AOAH: variants seen among roughly 807,000 people sequenced by gnomAD.
AOAH encodes the protein acyloxyacyl hydrolase.
In AOAH, 64 loss-of-function variants were observed where a neutral mutation model predicts 92.2. That is an observed-to-expected ratio of 0.69 (90% CI 0.57 to 0.86). The LOEUF (loss-of-function observed/expected upper bound fraction) is 0.86. Among genes scored for constraint, AOAH ranks in the 40% least tolerant of loss-of-function variants. The pLI, the probability that AOAH is intolerant of heterozygous loss-of-function variation, is 0.00. For missense variants in AOAH, 656 were observed against 694.6 expected, an observed-to-expected ratio of 0.94 and a Z score of 0.62; for synonymous variants, 263 against 254.5, an observed-to-expected ratio of 1.03 and a Z score of -0.32.
chr7:36,591,937 C>T (rs571304195), intron 12 of AOAH, among the ~76,000 whole-genome samples: 1 of 152,208 alleles, frequency 6.6e-6, no homozygotes, highest in Non-Finnish European at 1.5e-5. Flanking sequence ...TCTTTCATTC[C>T]TTGAGTGACT....
chr7:36,678,411 A>T (rs113168393), intron 2 of AOAH, among the ~76,000 whole-genome samples: 189 of 152,312 alleles, frequency 1.2e-3, no homozygotes, highest in Middle Eastern at 0.01. Context: ...TTTGGAAAAA[A>T]GTTAAAAGTA....
intron 1 of AOAH, among the ~76,000 whole-genome samples, chr7:36,705,229 T>C (rs1017164675): frequency 2.0e-5 from 3 of 152,200 alleles, no homozygotes; most frequent in African/African-American, 4.8e-5. Flanking sequence ...ATTGTATATT[T>C]AGAAAACCCC....
intron 2 of AOAH, among the ~76,000 whole-genome samples, chr7:36,681,440 C>A (rs961746193): frequency 2.6e-5 from 4 of 152,000 alleles, no homozygotes; most frequent in African/African-American, 9.7e-5. Flanking sequence ...ATACAGTAGA[C>A]CATTGATGTC....
intron 4 of AOAH, among the ~76,000 whole-genome samples, chr7:36,649,014 T>C (rs1794410409): frequency 6.6e-6 from 1 of 152,226 alleles, no homozygotes; most frequent in Non-Finnish European, 1.5e-5. Context: ...AACTTTATAA[T>C]TGTGTGGGAG....
chr7:36,603,445 CCCCGG>C (rs940600546), intron 11 of AOAH, among the ~76,000 whole-genome samples: 1 of 152,180 alleles, frequency 6.6e-6, no homozygotes, highest in African/African-American at 2.4e-5. Flanking sequence ...TCCTCGCCTG[CCCCGG>C]CCTTTCTCTC....
intron 20 of AOAH, among the ~76,000 whole-genome samples, chr7:36,517,192 T>C (rs1025372960): frequency 1.0e-4 from 7 of 67,726 alleles, no homozygotes; most frequent in African/African-American, 3.7e-4. Context: ...CTTTCTTTCT[T>C]TCTTTCTTTC....
intron 4 of AOAH, among the ~76,000 whole-genome samples, chr7:36,645,666 C>G (rs1794180867): frequency 6.6e-6 from 1 of 152,080 alleles, no homozygotes; most frequent in Non-Finnish European, 1.5e-5. Context: ...AGATGTAGCT[C>G]TATCAAAGCC....
intron 12 of AOAH, among the ~76,000 whole-genome samples, chr7:36,584,146 T>C (rs1164327089): frequency 6.6e-6 from 1 of 152,254 alleles, no homozygotes; most frequent in Non-Finnish European, 1.5e-5. Flanking sequence ...TTTCGCATAG[T>C]GAAGGCTATA....
At chr7:36,683,660 G>A (rs1017333173) in intron 2 of AOAH, among the ~76,000 whole-genome samples, 1 of 152,144 alleles carries the variant, frequency 6.6e-6, no homozygotes. Context: ...TTGGGAGTTT[G>A]TGTGGAAAGG....
At chr7:36,688,559 T>A (rs777718771) in intron 1 of AOAH, among the ~76,000 whole-genome samples, 2 of 152,022 alleles carry the variant, frequency 1.3e-5, no homozygotes, top group Non-Finnish European at 2.9e-5. Context: ...TGCAGTATGG[T>A]GTAGTTGAAG....
At chr7:36,523,629 G>GGTTTTTTTTTTTTTTTTTTTTTTTTTT (rs759621905) in intron 19 of AOAH, among the ~76,000 whole-genome samples, 1 of 100,138 alleles carries the variant, frequency 1.0e-5, no homozygotes, top group African/African-American at 4.1e-5. Flanking sequence ...TGTTTTGCCT[G>GGTTTTTTTTTTTTTTTTTTTTTTTTTT]TTTTTTTTTT....
intron 11 of AOAH, among the ~76,000 whole-genome samples, chr7:36,611,959 C>A (rs933130462): frequency 3.2e-4 from 48 of 152,202 alleles, no homozygotes; most frequent in African/African-American, 1.1e-3. Flanking sequence ...CTTGGGCAGT[C>A]CACACAACCT....
chr7:36,662,858 T>C (rs951439924), intron 3 of AOAH, among the ~76,000 whole-genome samples: 7 of 152,210 alleles, frequency 4.6e-5, no homozygotes, highest in African/African-American at 1.7e-4. Flanking sequence ...CTCTAGGTCC[T>C]CTAAGATGAT....
intron 6 of AOAH, among the ~76,000 whole-genome samples, chr7:36,629,518 A>G (rs74920609): frequency 0.013 from 2,014 of 152,256 alleles, 41 homozygotes; most frequent in African/African-American, 0.046. Context: ...TTCATGTCTG[A>G]TATCTGCCCC....
chr7:36,576,484 G>T, intron 13 of AOAH, 90 bp downstream of exon 13: 1 of 754,330 alleles, frequency 1.3e-6, no homozygotes, highest in African/African-American at 1.8e-5. Context: ...TGTGATCCTT[G>T]TTATCTGAAT....
chr7:36,630,352 C>T (rs1467258835), intron 6 of AOAH, among the ~76,000 whole-genome samples: 2 of 152,226 alleles, frequency 1.3e-5, no homozygotes, highest in Non-Finnish European at 2.9e-5. Flanking sequence ...TGAGCTAGCA[C>T]AGGCTAAAGT....
chr7:36,718,360 T>C (rs928282725), intron 1 of AOAH, among the ~76,000 whole-genome samples: 3 of 152,090 alleles, frequency 2.0e-5, no homozygotes, highest in Non-Finnish European at 4.4e-5. Context: ...CTGGTAGAAA[T>C]GTAAAATGGT....
chr7:36,561,535 C>G (rs1221193864), intron 13 of AOAH, among the ~76,000 whole-genome samples: 2 of 152,158 alleles, frequency 1.3e-5, no homozygotes, highest in African/African-American at 4.8e-5. Flanking sequence ...AGAAGGAGCA[C>G]AGCCCCCATG....
At chr7:36,513,866 C>A (rs946440468) in intron 20 of AOAH, among the ~76,000 whole-genome samples, 5 of 152,210 alleles carry the variant, frequency 3.3e-5, no homozygotes, top group Admixed American at 1.3e-4. Context: ...CCCAGTTAAG[C>A]TGTGACCCAC....
Sources: gnomAD v4.1 joint callset for allele counts (sites outside exome capture counted in the v4.1 genomes callset) on GRCh38, gnomAD v4.1.1 for gene constraint, MANE v1.5 for transcripts, NCBI Gene and HGNC (gene_info 2026-07-23, HGNC 2026-07-21) for gene names.